Variants in PDE10A observed in about 807,000 individuals in gnomAD.
PDE10A encodes cAMP and cAMP-inhibited cGMP 3',5'-cyclic phosphodiesterase 10A.
PDE10A carries 39 observed loss-of-function variants against 97.7 expected under a neutral mutation model. The observed-to-expected ratio is 0.40, with a 90% confidence interval of 0.31 to 0.52. The LOEUF (loss-of-function observed/expected upper bound fraction) is 0.52, where lower values mean the gene tolerates loss of function less well. Among genes scored for constraint, PDE10A ranks in the 20% least tolerant of loss-of-function variants. The pLI is 0.56. For synonymous variants in PDE10A, 371 were observed against 376.8 expected (o/e 0.98, Z 0.18); for missense variants, 731 against 1,047.8 (o/e 0.70, Z 4.17).
At chr6:165,391,200 G>T (rs1021134554) in intron 16 of PDE10A, among the ~76,000 whole-genome samples, 1 of 152,056 alleles carries the variant, frequency 6.6e-6, no homozygotes, top group South Asian at 2.1e-4. Flanking sequence ...TTCTTTTAGA[G>T]ATTAAATTTC....
intron 10 of PDE10A, among the ~76,000 whole-genome samples, chr6:165,425,705 G>T (rs1476108703): frequency 1.3e-5 from 2 of 151,302 alleles, no homozygotes; most frequent in Non-Finnish European, 2.9e-5. Context: ...GCCAGAAAAA[G>T]AAAGAAAACA....
chr6:165,491,024 G>A (rs570573616), intron 2 of PDE10A, among the ~76,000 whole-genome samples: 92 of 152,122 alleles, frequency 6.0e-4, no homozygotes, highest in Non-Finnish European at 9.7e-4. Flanking sequence ...GACTCATAAG[G>A]ACTCACATAA....
intron 12 of PDE10A, among the ~76,000 whole-genome samples, chr6:165,415,248 T>A (rs1051099979): frequency 1.3e-5 from 2 of 152,204 alleles, no homozygotes; most frequent in African/African-American, 4.8e-5. Flanking sequence ...AGTGTACCCT[T>A]AATTTATTGA....
chr6:165,843,433 C>G (rs1382753530), intron 1 of PDE10A, among the ~76,000 whole-genome samples: 1 of 152,154 alleles, frequency 6.6e-6, no homozygotes, highest in Non-Finnish European at 1.5e-5. Flanking sequence ...ACCCTAGGCT[C>G]GGTAATTTAT....
At chr6:165,719,875 G>A (rs114267835) in intron 1 of PDE10A, among the ~76,000 whole-genome samples, 2,297 of 152,318 alleles carry the variant, frequency 0.015, 57 homozygotes, top group African/African-American at 0.053. Context: ...TGGAATCCAA[G>A]TACCCTATTT....
intron 1 of PDE10A, among the ~76,000 whole-genome samples, chr6:165,590,671 C>T (rs1786200498): frequency 6.6e-6 from 1 of 152,170 alleles, no homozygotes; most frequent in African/African-American, 2.4e-5. Flanking sequence ...GCGGGTGGAT[C>T]ACGAGATCAG....
chr6:165,718,009 A>T (rs1344848380), intron 1 of PDE10A, among the ~76,000 whole-genome samples: 1 of 152,242 alleles, frequency 6.6e-6, no homozygotes, highest in Non-Finnish European at 1.5e-5. Context: ...CTTATCAGTT[A>T]TATGACTCAT....
In PDE10A at chr6:165,776,460, A is replaced by G. The variant is rs562757389; in HGVS notation, c.-615+211069T>C. Among the ~76,000 whole-genome samples the G allele has an allele frequency of 1.8e-4, 28 of 152,374 alleles. No individual in the cohort carries two copies. In the South Asian group the frequency reaches 5.0e-3, roughly 27 times the overall value. ...GTAAAAGAAGGCAAATAAATGTTTC[A>G]TTAAAAAATTGCTTGCTTTCACTCT... On this transcript the variant is annotated intron_variant, in intron 1 of 19. Transcript: ENST00000366882.
chr6:165,404,412 C>T (rs1399865313), intron 13 of PDE10A, among the ~76,000 whole-genome samples: 6 of 151,974 alleles, frequency 3.9e-5, no homozygotes, highest in South Asian at 2.1e-4. Flanking sequence ...CTACTTGGGG[C>T]TATGGGTAGA....
intron 1 of PDE10A, among the ~76,000 whole-genome samples, chr6:165,889,043 G>A (rs1382201225): frequency 6.6e-6 from 1 of 152,164 alleles, no homozygotes; most frequent in South Asian, 2.1e-4. Flanking sequence ...GAATATCAAT[G>A]CTGCCTATGG....
chr6:165,829,465 T>G (rs960842906), intron 1 of PDE10A, among the ~76,000 whole-genome samples: 3 of 152,210 alleles, frequency 2.0e-5, no homozygotes, highest in African/African-American at 7.2e-5. Context: ...GCAGCAGCCT[T>G]GAGAAGCTTT....
At chr6:165,750,961 G>A (rs899894743) in intron 1 of PDE10A, among the ~76,000 whole-genome samples, 2 of 152,190 alleles carry the variant, frequency 1.3e-5, no homozygotes, top group African/African-American at 4.8e-5. Flanking sequence ...ACCTTCAGGT[G>A]TAACAGCAGG....
At chr6:165,813,210 C>T (rs1227817804) in intron 1 of PDE10A, among the ~76,000 whole-genome samples, 2 of 152,110 alleles carry the variant, frequency 1.3e-5, no homozygotes, top group African/African-American at 4.8e-5. Context: ...ACTAGATGTC[C>T]TTGCTCTCTA....
chr6:165,775,216 A>ACC (rs1778147193), intron 1 of PDE10A: 2 of 152,142 alleles, frequency 1.3e-5, no homozygotes, highest in African/African-American at 4.8e-5. Context: ...ACAAATGCAA[A>ACC]CCTCTGGAAA....
intron 1 of PDE10A, among the ~76,000 whole-genome samples, chr6:165,591,941 A>C (rs1445531774): frequency 2.0e-5 from 3 of 152,224 alleles, no homozygotes; most frequent in Non-Finnish European, 4.4e-5. Flanking sequence ...ATAGTAGCAT[A>C]TGAAAAACAC....
At chr6:165,804,975 G>T (rs1214826649) in intron 1 of PDE10A, among the ~76,000 whole-genome samples, 1 of 149,898 alleles carries the variant, frequency 6.7e-6, no homozygotes, top group African/African-American at 2.5e-5. Context: ...CGCACGGAGG[G>T]ACGGCGGGGC....
chr6:165,796,059 T>G (rs151188701), intron 1 of PDE10A, among the ~76,000 whole-genome samples: 4 of 152,064 alleles, frequency 2.6e-5, no homozygotes, highest in African/African-American at 7.2e-5. Flanking sequence ...GTAGCTGGAA[T>G]GCATTTGCAC....
intron 1 of PDE10A, among the ~76,000 whole-genome samples, chr6:165,624,222 C>T (rs1379797130): frequency 1.3e-5 from 2 of 152,204 alleles, no homozygotes; most frequent in African/African-American, 4.8e-5. Flanking sequence ...GCTGGCTCTC[C>T]TGGGCTGGCC....
intron 1 of PDE10A, among the ~76,000 whole-genome samples, chr6:165,843,252 G>T (rs1029767103): frequency 1.3e-5 from 2 of 152,330 alleles, no homozygotes; most frequent in African/African-American, 2.4e-5. Context: ...TTATAGGCTC[G>T]CAAGGTGGCC....
Sources: gnomAD v4.1 joint callset for allele counts (sites outside exome capture counted in the v4.1 genomes callset) on GRCh38, gnomAD v4.1.1 for gene constraint, MANE v1.5 for transcripts, NCBI Gene and HGNC (gene_info 2026-07-23, HGNC 2026-07-21) for gene names.